Variants in KAT6B observed in about 807,000 individuals in gnomAD.
KAT6B encodes the protein lysine acetyltransferase 6B.
KAT6B carries 10 observed loss-of-function variants against 187.5 expected under a neutral mutation model. That is an observed-to-expected ratio of 0.05 (90% CI 0.03 to 0.09). The LOEUF (loss-of-function observed/expected upper bound fraction) is 0.09. Among genes scored for constraint, KAT6B ranks in the 10% least tolerant of loss-of-function variants. The pLI is 1.00. For synonymous variants in KAT6B, 861 were observed against 926.8 expected, an observed-to-expected ratio of 0.93 and a Z score of 1.29; for missense variants, 1,952 against 2,558.9, an observed-to-expected ratio of 0.76 and a Z score of 5.12.
At chr10:74,935,770 G>A (rs1849222791) in intron 3 of KAT6B, among the ~76,000 whole-genome samples, 2 of 152,204 alleles carry the variant, frequency 1.3e-5, no homozygotes, top group East Asian at 3.8e-4. Flanking sequence ...AGCATAGAGC[G>A]CCATGTGTAT....
At chr10:74,840,136 G>A (rs545311317) in intron 2 of KAT6B, among the ~76,000 whole-genome samples, 2 of 152,350 alleles carry the variant, frequency 1.3e-5, no homozygotes, top group East Asian at 1.9e-4. Flanking sequence ...TGGACTGCAT[G>A]CTCACCATGA....
intron 3 of KAT6B, among the ~76,000 whole-genome samples, chr10:74,893,042 C>T (rs565546563): frequency 1.3e-5 from 2 of 152,334 alleles, no homozygotes; most frequent in East Asian, 3.9e-4. Context: ...GGCTGCCTGC[C>T]AGGGCTAGGC....
intron 3 of KAT6B, among the ~76,000 whole-genome samples, chr10:74,858,107 A>G (rs963432952): frequency 2.0e-5 from 3 of 152,068 alleles, no homozygotes; most frequent in African/African-American, 7.2e-5. Flanking sequence ...GCCGGGGGTC[A>G]AGAGGCCTGA....
rs1013657223 is a variant in KAT6B at position 75,021,155 on chromosome 10, T to C, written c.2891T>C (p.Ile964Thr). 1.2e-6 allele frequency: 2 copies of C among 1,614,174 alleles called. No homozygotes were observed. The highest frequency in any genetic ancestry group is 1.7e-6 in the Non-Finnish European group (2 of 1,179,994). ...RFVIIRREKL[I>T]LSHMEKLKTC... ...GTCATCATTAGACGGGAAAAGTTGATATTGAGCCACATGGAAAAGCTGAAA... is the reference window on the plus strand; with the variant it reads ...GTCATCATTAGACGGGAAAAGTTGACATTGAGCCACATGGAAAAGCTGAAA... The change falls in exon 15 of 18, where the codon ATA (isoleucine) becomes ACA (threonine). Residue 964 changes from isoleucine (I) to threonine (T), a missense_variant. This residue lies in a region of KAT6B where 758 missense variants were observed against 891.4 expected (regional missense o/e 0.85). Coordinates refer to ENST00000287239, the MANE Select transcript of KAT6B (RefSeq NM_012330.4).
At position 74,985,318 on chromosome 10, in the gene KAT6B, T is replaced by A; in HGVS notation, c.2535+77T>A. ...TAGAGCCCAATTCTTTGAACAGGGC[T>A]TTTTCATTACTATAATTTGAATAAG... On this transcript the variant is annotated intron_variant, in intron 12 of 17. Coordinates refer to ENST00000287239, the MANE Select transcript of KAT6B (RefSeq NM_012330.4). 3.0e-6 allele frequency: 4 copies of A among 1,340,376 alleles called. No individual in the cohort carries two copies. The South Asian group carries it at 3.6e-5, about 12-fold the overall frequency. The allele number at this position is 1,340,376 out of a possible 1,614,324, so 83.0% of individuals were successfully genotyped here.
At position 75,030,356 on chromosome 10, in the gene KAT6B, A is replaced by C. The variant is rs751128786; in HGVS notation, c.5532A>C (p.Ala1844=). 5.0e-6 allele frequency: 8 copies of C among 1,614,096 alleles called. No homozygotes were observed. The highest frequency in any genetic ancestry group is 2.2e-5 in the East Asian group (1 of 44,906). ...ATTCCGCTGCTGTGACTTCCTATGC[A>C]AACAGTGCCTCTTTGTCCACACCAT... ...YSHSAAVTSY[A]NSASLSTPLS... The change falls in exon 18 of 18, where the codon GCA becomes GCC. Residue 1844 remains alanine (A), a synonymous_variant. Coordinates refer to ENST00000287239, the MANE Select transcript of KAT6B (RefSeq NM_012330.4). The surrounding 1 kb of genome is among the most constrained non-coding windows in gnomAD (Gnocchi z 4.8).
intron 17 of KAT6B, chr10:75,025,664 C>G: frequency 4.5e-6 from 1 of 222,578 alleles, no homozygotes; most frequent in Non-Finnish European, 9.0e-6. Flanking sequence ...TCCTGGAAAA[C>G]AAATATTAGT....
Position 74,975,995 on chromosome 10 carries a change from C to T in KAT6B, c.1658C>T (p.Thr553Ile). 7 of 1,614,158 alleles carry T rather than the reference C, an allele frequency of 4.3e-6. No homozygotes were observed. Among genetic ancestry groups the T allele is most frequent in the Non-Finnish European group, 5.9e-6 (7 of 1,180,026 alleles). Residue 553 changes from threonine to isoleucine, a missense_variant, in exon 8 of 18, where the codon ACT becomes ATT. Coordinates refer to ENST00000287239, the MANE Select transcript of KAT6B (RefSeq NM_012330.4). The stretch of plus-strand genomic sequence containing the variant: ...GATGGGCTTTCTCATATCTATACCA[C>T]TCAGGGACAGTCTCGCAAAAAGGGA... ...LFDGLSHIYT[T>I]QGQSRKKGHP...
At position 75,030,181 on chromosome 10, in the gene KAT6B, A is replaced by C. The variant is rs1389265622; in HGVS notation, c.5357A>C (p.Glu1786Ala). The part of the protein sequence containing the change: ...TPPMQLAEIP[E>A]TSNANIGLYE... Reference sequence around the variant, plus strand: ...CCCATGCAGCTGGCTGAAATCCCCGAGACGAGCAACGCCAACATTGGCTTA... The same window carrying C: ...CCCATGCAGCTGGCTGAAATCCCCGCGACGAGCAACGCCAACATTGGCTTA... The change falls in exon 18 of 18, where the codon GAG becomes GCG. Residue 1786 changes from glutamate to alanine, a missense_variant. Physicochemically the swap from Glu to Ala is moderately radical, Grantham distance 107. Coordinates refer to ENST00000287239, the MANE Select transcript of KAT6B (RefSeq NM_012330.4). This position sits in a 1 kb window ranked among gnomAD's most constrained non-coding sequence, Gnocchi z 4.8. 1 of 1,614,214 alleles carries C rather than the reference A, an allele frequency of 6.2e-7. No homozygotes were observed. The highest frequency in any genetic ancestry group is 1.7e-5 in the Admixed American group (1 of 60,032).
At position 75,021,899 on chromosome 10, in the gene KAT6B, C is replaced by G; in HGVS notation, c.3040C>G (p.Gln1014Glu). The G allele has an allele frequency of 6.2e-7, 1 of 1,614,170 alleles. No homozygotes were observed. Residue 1014 changes from glutamine (Q) to glutamate (E), a missense_variant, in exon 16 of 18, where the codon CAA (glutamine) becomes GAA (glutamate). By Grantham distance (29) the Gln-to-Glu change is conservative. This residue lies in a region of KAT6B where 758 missense variants were observed against 891.4 expected (regional missense o/e 0.85). Transcript: ENST00000287239. ...AEKEAERLMEQASCWEKEEQE... is the reference protein window; with the variant it reads ...AEKEAERLMEEASCWEKEEQE... ...CACTTAGGCTGAGCGGCTAATGGAA[C>G]AAGCTAGCTGCTGGGAGAAGGAGGA...
chr10:74,985,281 A>C, intron 12 of KAT6B, 40 bp downstream of exon 12: 1 of 1,607,628 alleles, frequency 6.2e-7, no homozygotes, highest in Non-Finnish European at 8.5e-7. Context: ...TTCTTTTTCA[A>C]AATGTTTTTG....
At chr10:74,858,664 G>A (rs1224747003) in intron 3 of KAT6B, among the ~76,000 whole-genome samples, 2 of 152,070 alleles carry the variant, frequency 1.3e-5, no homozygotes, top group African/African-American at 4.8e-5. Context: ...AATACAAGGT[G>A]ATTTATCAAG....
At chr10:74,944,986 T>C (rs1399765646) in intron 3 of KAT6B, among the ~76,000 whole-genome samples, 1 of 152,150 alleles carries the variant, frequency 6.6e-6, no homozygotes, top group Non-Finnish European at 1.5e-5. Context: ...AAAATAAACC[T>C]ACACTTAACC....
intron 9 of KAT6B, among the ~76,000 whole-genome samples, chr10:74,978,215 A>T (rs1208050147): frequency 6.6e-6 from 1 of 152,166 alleles, no homozygotes; most frequent in Non-Finnish European, 1.5e-5. Flanking sequence ...CTTCAGAGCT[A>T]TTGGGTATTT....
At chr10:74,931,886 A>G (rs1848907707) in intron 3 of KAT6B, among the ~76,000 whole-genome samples, 1 of 151,622 alleles carries the variant, frequency 6.6e-6, no homozygotes, top group Non-Finnish European at 1.5e-5. Flanking sequence ...TAATTTTTGT[A>G]TTTTTAGTAG....
At chr10:74,917,087 A>T (rs1331799642) in intron 3 of KAT6B, among the ~76,000 whole-genome samples, 1 of 152,226 alleles carries the variant, frequency 6.6e-6, no homozygotes, top group Non-Finnish European at 1.5e-5. Context: ...CCTGGGTGAC[A>T]GGCCGAGACC....
intron 1 of KAT6B, among the ~76,000 whole-genome samples, chr10:74,831,101 AC>A (rs977127861): frequency 2.0e-5 from 3 of 151,838 alleles, no homozygotes; most frequent in African/African-American, 7.3e-5. Context: ...CTCTTCATAT[AC>A]TTTTTTAGCC....
intron 13 of KAT6B, among the ~76,000 whole-genome samples, chr10:74,998,179 A>C (rs7907591): frequency 1 from 152,166 of 152,166 alleles, 76,083 homozygotes; most frequent in Non-Finnish European, 1. Flanking sequence ...GTCTCAAATT[A>C]TGGAGCTCAA....
At chr10:74,834,002 G>C (rs1841075472) in intron 1 of KAT6B, among the ~76,000 whole-genome samples, 1 of 152,140 alleles carries the variant, frequency 6.6e-6, no homozygotes, top group Non-Finnish European at 1.5e-5. Flanking sequence ...GGTTGCTTTT[G>C]TTTTTTCTTT....
Sources: gnomAD v4.1 joint callset for allele counts (sites outside exome capture counted in the v4.1 genomes callset) on GRCh38, gnomAD v4.1.1 for gene constraint, gnomAD v4.1.1 regional missense constraint, Gnocchi (gnomAD v3.1) non-coding constraint, MANE v1.5 for transcripts, NCBI Gene and HGNC (gene_info 2026-07-23, HGNC 2026-07-21) for gene names.